MED13: variants seen among roughly 807,000 people sequenced by gnomAD.
MED13 encodes the protein mediator of RNA polymerase II transcription subunit 13.
In MED13, 23 loss-of-function variants were observed where a neutral mutation model predicts 225.2. The observed-to-expected ratio is 0.10, with a 90% CI of 0.07 to 0.14. The LOEUF (loss-of-function observed/expected upper bound fraction) is 0.14, where lower values mean the gene tolerates loss of function less well. Ranked by LOEUF, MED13 falls within the 10% of genes least tolerant of loss-of-function variation. The probability of loss-of-function intolerance (pLI) is 1.00; values close to 1 mark genes in which losing one functional copy is unlikely to be tolerated. For synonymous variants in MED13, 942 were observed against 889.2 expected, an observed-to-expected ratio of 1.06 and a Z score of -1.06; for missense variants, 2,197 against 2,594.5, an observed-to-expected ratio of 0.85 and a Z score of 3.33.
chr17:61,951,379 A>G (rs963433582), intron 27 of MED13, among the ~76,000 whole-genome samples: 6 of 152,216 alleles, frequency 3.9e-5, no homozygotes, highest in Non-Finnish European at 8.8e-5. Flanking sequence ...GATTCAATTT[A>G]GCTTTGTTAA....
chr17:62,015,314 TATCAAGAGCA>T (rs747970099), intron 8 of MED13, among the ~76,000 whole-genome samples: 1 of 152,204 alleles, frequency 6.6e-6, no homozygotes, highest in African/African-American at 2.4e-5. Flanking sequence ...TAAAAACCTT[TATCAAGAGCA>T]TAGCATAAGG....
At chr17:62,002,382 G>A (rs947827640) in intron 9 of MED13, among the ~76,000 whole-genome samples, 3 of 151,658 alleles carry the variant, frequency 2.0e-5, no homozygotes, top group Non-Finnish European at 4.4e-5. Flanking sequence ...CCAGCTACTC[G>A]GGAGGCCAAG....
At chr17:62,037,959 A>T (rs2080820064) in intron 3 of MED13, among the ~76,000 whole-genome samples, 1 of 103,752 alleles carries the variant, frequency 9.6e-6, no homozygotes, top group Non-Finnish European at 1.7e-5. Flanking sequence ...TCATCTCAAA[A>T]AAAAAAAAAA....
intron 8 of MED13, among the ~76,000 whole-genome samples, chr17:62,015,954 ATTTTTT>A (rs869061252): frequency 0.014 from 177 of 12,858 alleles, 5 homozygotes; most frequent in South Asian, 0.027. Context: ...ATATATATAT[ATTTTTT>A]TTTTTTTTTT....
intron 8 of MED13, among the ~76,000 whole-genome samples, chr17:62,026,168 C>T (rs2080699743): frequency 6.6e-6 from 1 of 152,236 alleles, no homozygotes; most frequent in Middle Eastern, 3.4e-3. Flanking sequence ...GTTTAATCTG[C>T]AGGATAAAAT....
At position 62,011,183 on chromosome 17, in the gene MED13, G is replaced by A. The variant is rs779875752; in HGVS notation, c.1334C>T (p.Ser445Phe). 1 of 1,614,132 alleles carries A rather than the reference G, an allele frequency of 6.2e-7. No homozygotes were observed. Among genetic ancestry groups the A allele is most frequent in the South Asian group, 1.1e-5 (1 of 91,038 alleles). The stretch of plus-strand genomic sequence containing the variant: ...AAGTATTTGTTGTTGCTGACCTAAA[G>A]ATGGTGCCTGTCCTTGTTGTCCAGC... ...RNAGQQGQAPSLGQQQQILPK... is the reference protein window; with the variant it reads ...RNAGQQGQAPFLGQQQQILPK... The change falls in exon 9 of 30, where the codon TCT (serine) becomes TTT (phenylalanine). Residue 445 changes from serine to phenylalanine, a missense_variant. Around this residue, in one of 12 missense-constraint regions of MED13, gnomAD observed 884 missense variants for 918.5 expected, o/e 0.96. Coordinates refer to ENST00000397786, the MANE Select transcript of MED13 (RefSeq NM_005121.3).
rs369146448 is a variant in MED13, at chr17:62,038,431, AT to A, written c.471-2824del. Among the ~76,000 whole-genome samples the A allele has an allele frequency of 6.3e-3, 967 of 152,312 alleles. 8 individuals carry two copies. The highest frequency in any genetic ancestry group is 0.022 in the African/African-American group (913 of 41,578). ...TTTTCTCATGACAAAGCATTTTAAA[AT>A]AATTTTAAAAATTATTTTAAAAACA... On this transcript the variant is annotated intron_variant, in intron 3 of 29. Coordinates refer to ENST00000397786, the MANE Select transcript of MED13 (RefSeq NM_005121.3).
Position 62,049,973 on chromosome 17 carries a change from A to G in MED13, c.470+2564T>C, listed in dbSNP as rs574669790. Among the ~76,000 whole-genome samples the G allele has an allele frequency of 2.6e-5, 4 of 150,978 alleles. 1 individual carries two copies. In the South Asian group the frequency reaches 8.3e-4, roughly 31 times the overall value. On this transcript the variant is annotated intron_variant, in intron 3 of 29. Coordinates refer to ENST00000397786, the MANE Select transcript of MED13 (RefSeq NM_005121.3). ...GAAATGAAATGTGTTTCAATATACT[A>G]TGGCTCAGTTACAAATAATATTTAT... is the stretch of plus-strand genomic sequence containing the variant.
chr17:62,024,040 C>T (rs571620439), intron 8 of MED13, among the ~76,000 whole-genome samples: 3 of 147,810 alleles, frequency 2.0e-5, no homozygotes, highest in East Asian at 2.0e-4. Context: ...TTTTTTGAGA[C>T]GGAGTCTCGC....
chr17:61,959,755 G>T (rs1603391675), intron 23 of MED13, among the ~76,000 whole-genome samples: 2 of 144,994 alleles, frequency 1.4e-5, no homozygotes, highest in Non-Finnish European at 1.5e-5. Flanking sequence ...TTGAGACAGG[G>T]TCTTACTCTG....
At chr17:62,033,556 A>G (rs2080776248) in intron 5 of MED13, among the ~76,000 whole-genome samples, 1 of 152,252 alleles carries the variant, frequency 6.6e-6, no homozygotes, top group Non-Finnish European at 1.5e-5. Context: ...TCATAAGAAC[A>G]GCATGTCCTA....
chr17:61,968,778 G>T (rs1019776258), intron 17 of MED13, among the ~76,000 whole-genome samples: 1 of 152,062 alleles, frequency 6.6e-6, no homozygotes, highest in African/African-American at 2.4e-5. Flanking sequence ...TTGAGACAGG[G>T]TCTTGCTCTA....
In MED13 at chr17:62,063,262, G is replaced by C; in HGVS notation, c.106C>G (p.Gln36Glu). 6.2e-7 allele frequency: 1 copy of C among 1,613,842 alleles called. No individual in the cohort carries two copies. The highest frequency in any genetic ancestry group is 1.1e-5 in the South Asian group (1 of 91,064). ...TGIKWKKYVW[Q>E]GPTSAPILFP... ...AGAATAGGGGCAGAAGTTGGGCCTT[G>C]CCATACATATTTTTTCCACTTAATT... The change falls in exon 2 of 30, where the codon CAA (glutamine) becomes GAA (glutamate). Residue 36 changes from glutamine (Q) to glutamate (E), a missense_variant. Around this residue, in one of 12 missense-constraint regions of MED13, gnomAD observed 884 missense variants for 918.5 expected, o/e 0.96. Transcript: ENST00000397786.
intron 9 of MED13, among the ~76,000 whole-genome samples, chr17:61,998,036 C>G (rs892560090): frequency 2.0e-5 from 3 of 152,046 alleles, no homozygotes; most frequent in Non-Finnish European, 4.4e-5. Flanking sequence ...TCAAGAGTAT[C>G]AAGACACAAT....
chr17:61,975,189 G>A (rs897078256), intron 16 of MED13, among the ~76,000 whole-genome samples: 14 of 151,390 alleles, frequency 9.2e-5, no homozygotes, highest in Non-Finnish European at 2.1e-4. Flanking sequence ...GAAAATATAT[G>A]CAAATCACAC....
rs1372056951 is a variant in MED13, at chr17:61,943,464, T to G, written c.*3004A>C. On this transcript the variant is annotated 3_prime_UTR_variant, in exon 30 of 30. Coordinates refer to ENST00000397786, the MANE Select transcript of MED13 (RefSeq NM_005121.3). The stretch of plus-strand genomic sequence containing the variant: ...AAAAAATTACCTCAGAAGGTAAATA[T>G]GAAGACGAAAGGAGAATATTTTAAT... 3.3e-5 allele frequency: 5 copies of G among 152,728 alleles called. No homozygotes were observed. In the East Asian group the frequency reaches 9.6e-4, roughly 29 times the overall value. 9.5% of individuals were successfully genotyped at this position (152,728 alleles called of 1,614,324 possible).
At chr17:62,062,717 T>A (rs1223266649) in intron 2 of MED13, among the ~76,000 whole-genome samples, 1 of 152,158 alleles carries the variant, frequency 6.6e-6, no homozygotes. Flanking sequence ...ACTCAAAAGT[T>A]ACATCTGGCT....
rs749564632 is a variant in MED13, at chr17:61,955,723, G to A, written c.5739C>T (p.Cys1913=). 6.2e-7 allele frequency: 1 copy of A among 1,610,882 alleles called. No individual in the cohort carries two copies. The highest frequency in any genetic ancestry group is 8.5e-7 in the Non-Finnish European group (1 of 1,179,090). Residue 1913 remains cysteine, a synonymous_variant, in exon 25 of 30, where the codon TGC becomes TGT. Coordinates refer to ENST00000397786, the MANE Select transcript of MED13 (RefSeq NM_005121.3). ...AGCCTTGCGGCTCCATTGCCACCAAGCAAGCACTGAGAATGCTAGGGGAGT... is the reference window on the plus strand; with the variant it reads ...AGCCTTGCGGCTCCATTGCCACCAAACAAGCACTGAGAATGCTAGGGGAGT... The part of the protein sequence containing the change: ...AADSPSILSA[C]LVAMEPQGSF...
chr17:62,007,765 G>A (rs1026811342), intron 9 of MED13, among the ~76,000 whole-genome samples: 4 of 151,898 alleles, frequency 2.6e-5, no homozygotes, highest in Admixed American at 6.5e-5. Flanking sequence ...GGAAAATGGC[G>A]TGAACCCGGG....
Sources: allele counts gnomAD v4.1 joint callset (sites outside exome capture counted in the v4.1 genomes callset), GRCh38; gene constraint gnomAD v4.1.1; regional missense constraint gnomAD v4.1.1; transcripts MANE v1.5; gene names NCBI Gene and HGNC (gene_info 2026-07-23, HGNC 2026-07-21).